The following GARNL3 variants were observed in gnomAD, a reference collection of about 807,000 sequenced individuals.
GARNL3 encodes GTPase-activating Rap/Ran-GAP domain-like protein 3.
GARNL3 carries 63 observed loss-of-function variants against 125.0 expected under a neutral mutation model. The observed-to-expected ratio is 0.50, with a 90% CI of 0.41 to 0.62. The LOEUF (loss-of-function observed/expected upper bound fraction) is 0.62. GARNL3 is among the 20% of genes least tolerant of loss of function. GARNL3 has a pLI of 0.00. For synonymous variants in GARNL3, 439 were observed against 457.5 expected (o/e 0.96, Z 0.52); for missense variants, 994 against 1,244.0 (o/e 0.80, Z 3.02).
chr9:127,235,235 C>T (rs2063090230), intron 1 of GARNL3, among the ~76,000 whole-genome samples: 1 of 151,326 alleles, frequency 6.6e-6, no homozygotes, highest in Non-Finnish European at 1.5e-5. Context: ...TAGCACATCT[C>T]ACTTCAGGCT....
intron 2 of GARNL3, among the ~76,000 whole-genome samples, chr9:127,302,792 A>T (rs893008052): frequency 2.2e-4 from 34 of 152,178 alleles, no homozygotes; most frequent in African/African-American, 8.2e-4. Context: ...GAAGAGTTGA[A>T]TTTTTTAAAA....
rs1832966625 is a variant in GARNL3 at position 127,393,237 on chromosome 9, A to G, written c.3025A>G (p.Ile1009Val). 1.2e-6 allele frequency: 2 copies of G among 1,610,746 alleles called. No individual in the cohort carries two copies. The highest frequency in any genetic ancestry group is 1.7e-4 in the Middle Eastern group (1 of 6,052). Residue 1009 changes from isoleucine (I) to valine (V), a missense_variant, in exon 28 of 28, where the codon ATT becomes GTT. Around this residue, in one of 5 missense-constraint regions of GARNL3, gnomAD observed 728 missense variants for 865.7 expected, o/e 0.84. Coordinates refer to ENST00000373387, the MANE Select transcript of GARNL3 (RefSeq NM_032293.5). ...FQLTAFSDED[I>V]IDLK ...GCTCACGGCTTTCTCCGATGAAGAC[A>G]TTATAGACTTGAAGTAACAGAGTTG...
At chr9:127,302,188 C>T (rs1440310651) in intron 2 of GARNL3, among the ~76,000 whole-genome samples, 1 of 151,850 alleles carries the variant, frequency 6.6e-6, no homozygotes, top group Non-Finnish European at 1.5e-5. Context: ...ATGATCCACC[C>T]GCCTCGGCCT....
upstream of GARNL3, chr9:127,264,748 T>G (rs2063665313): frequency 7.9e-7 from 1 of 1,270,474 alleles, no homozygotes; most frequent in Non-Finnish European, 1.0e-6. Context: ...TGGCGTTTGC[T>G]TTTTATTGAG....
chr9:127,289,248 C>G (rs1463530462), intron 1 of GARNL3, among the ~76,000 whole-genome samples: 2 of 152,218 alleles, frequency 1.3e-5, no homozygotes, highest in Non-Finnish European at 2.9e-5. Flanking sequence ...ACTTCTGACA[C>G]CAACTACTAC....
intron 6 of GARNL3, among the ~76,000 whole-genome samples, chr9:127,322,098 C>A (rs780444691): frequency 2.6e-5 from 4 of 152,140 alleles, no homozygotes; most frequent in Admixed American, 6.5e-5. Flanking sequence ...AAACTGTAAG[C>A]GACTTTAAGC....
chr9:127,264,320 CT>C (rs2063655873), upstream of GARNL3: 1 of 233,442 alleles, frequency 4.3e-6, no homozygotes, highest in Non-Finnish European at 7.6e-6. Flanking sequence ...TGATTTAAGC[CT>C]TTTTGGGGGG....
intron 14 of GARNL3, among the ~76,000 whole-genome samples, chr9:127,342,921 G>C (rs1829944935): frequency 7.8e-6 from 1 of 129,018 alleles, no homozygotes; most frequent in Admixed American, 9.0e-5. Flanking sequence ...TTTGGAGACA[G>C]AGCTTCTCTC....
chr9:127,264,922 T>G lies in GARNL3; in HGVS notation c.45T>G (p.Cys15Trp). 6.2e-7 allele frequency: 1 copy of G among 1,613,374 alleles called. No individual in the cohort carries two copies. The highest frequency in any genetic ancestry group is 8.5e-7 in the Non-Finnish European group (1 of 1,179,636). Residue 15 changes from cysteine (C) to tryptophan (W), a missense_variant, in exon 1 of 28, where the codon TGT becomes TGG. Cys to Trp is a radical substitution (Grantham distance 215). Transcript: ENST00000373387. ...GAAGGTTTGTGGCCAGATCGCTATG[T>G]ATAATACTGATGAAGCATTTTTGTT... is the stretch of plus-strand genomic sequence containing the variant. ...FCRRFVARSLCIILMKHFCSS... is the reference protein window; with the variant it reads ...FCRRFVARSLWIILMKHFCSS...
intron 2 of GARNL3, among the ~76,000 whole-genome samples, chr9:127,298,368 G>A (rs1490698497): frequency 2.0e-5 from 3 of 151,706 alleles, no homozygotes; most frequent in East Asian, 1.9e-4. Flanking sequence ...TAGTAGAGAC[G>A]GGGTTTCACC....
chr9:127,258,550 G>A (rs1201723638), intron 2 of GARNL3, among the ~76,000 whole-genome samples: 1 of 152,092 alleles, frequency 6.6e-6, no homozygotes, highest in East Asian at 1.9e-4. Context: ...AAGGTGGGAG[G>A]ATTGCTTGAA....
intron 2 of GARNL3, among the ~76,000 whole-genome samples, chr9:127,254,898 A>G (rs2063471111): frequency 1.3e-5 from 2 of 152,188 alleles, no homozygotes; most frequent in South Asian, 2.1e-4. Flanking sequence ...AAAGAAAAAG[A>G]TGTTCAAGCT....
chr9:127,243,053 T>G, intron 1 of GARNL3: 1 of 1,334,070 alleles, frequency 7.5e-7, no homozygotes, highest in Non-Finnish European at 9.9e-7. Context: ...TGTCTCTTAG[T>G]GCCTTTCCCA....
intron 1 of GARNL3, among the ~76,000 whole-genome samples, chr9:127,237,907 G>A (rs1391304263): frequency 3.9e-5 from 6 of 152,174 alleles, no homozygotes; most frequent in Admixed American, 6.5e-5. Context: ...GATCAAGCCC[G>A]GGTTGATGTT....
chr9:127,373,489 G>A (rs1363025166), intron 22 of GARNL3, among the ~76,000 whole-genome samples: 1 of 152,222 alleles, frequency 6.6e-6, no homozygotes, highest in Non-Finnish European at 1.5e-5. Flanking sequence ...AATCAGCCGG[G>A]TCCGATGGCT....
At chr9:127,353,809 G>C in intron 17 of GARNL3, 37 bp from the exon 18 acceptor site, 1 of 1,371,882 alleles carries the variant, frequency 7.3e-7, no homozygotes, top group Non-Finnish European at 1.0e-6. Flanking sequence ...AGCGTGGGCT[G>C]GGTTGCAGTG....
intron 1 of GARNL3, among the ~76,000 whole-genome samples, chr9:127,235,714 T>A (rs1046708639): frequency 7.2e-5 from 11 of 152,158 alleles, no homozygotes; most frequent in Non-Finnish European, 1.5e-4. Context: ...TCAGACAAAA[T>A]GAAGAACTAA....
At chr9:127,281,730 T>A (rs1204609810) in intron 1 of GARNL3, among the ~76,000 whole-genome samples, 1 of 152,246 alleles carries the variant, frequency 6.6e-6, no homozygotes, top group Non-Finnish European at 1.5e-5. Context: ...AGTGAGGGGA[T>A]GGCTCATTCT....
chr9:127,385,004 G>A lies in GARNL3; in HGVS notation c.2270-23G>A, dbSNP rs367882478. 7.7e-5 allele frequency: 115 copies of A among 1,493,960 alleles called. No homozygotes were observed. Among genetic ancestry groups the A allele is most frequent in the Middle Eastern group, 3.5e-4 (2 of 5,780 alleles). 92.5% of individuals were successfully genotyped at this position (1,493,960 alleles called of 1,614,324 possible). ...CGGCCACCAAGCCAGCAGCTGGGAG[G>A]TGACACTCCCGTTCCCTTGCAGTCT... is the stretch of plus-strand genomic sequence containing the variant. On this transcript the variant is annotated intron_variant, in intron 23 of 27. Coordinates refer to ENST00000373387, the MANE Select transcript of GARNL3 (RefSeq NM_032293.5). The surrounding 1 kb of genome is among the most constrained non-coding windows in gnomAD (Gnocchi z 4.1).
Sources: allele counts gnomAD v4.1 joint callset (sites outside exome capture counted in the v4.1 genomes callset), GRCh38; gene constraint gnomAD v4.1.1; regional missense constraint gnomAD v4.1.1; non-coding constraint Gnocchi (gnomAD v3.1); transcripts MANE v1.5; gene names NCBI Gene and HGNC (gene_info 2026-07-23, HGNC 2026-07-21).